TOX3: variants seen among roughly 807,000 people sequenced by gnomAD.
The protein encoded by TOX3 is CAG trinucleotide repeat-containing gene F9 protein.
A neutral mutation model predicts 64.3 loss-of-function variants in TOX3; 22 were observed. The observed-to-expected ratio is 0.34, with a 90% CI of 0.24 to 0.49. The LOEUF (loss-of-function observed/expected upper bound fraction) is 0.49, where lower values mean the gene tolerates loss of function less well. TOX3 is among the 20% of genes least tolerant of loss of function. TOX3 has a pLI of 0.99. For synonymous variants in TOX3, 291 were observed against 273.6 expected, an observed-to-expected ratio of 1.06 and a Z score of -0.63; for missense variants, 661 against 714.4, an observed-to-expected ratio of 0.93 and a Z score of 0.85.
rs140928170 is a variant in TOX3, at chr16:52,519,943, C to T, written c.87+26694G>A. Among the ~76,000 whole-genome samples the T allele has an allele frequency of 4.2e-3, 632 of 149,930 alleles. 4 individuals carry two copies. Among genetic ancestry groups the T allele is most frequent in the Middle Eastern group, 6.8e-3 (2 of 294 alleles). The stretch of plus-strand genomic sequence containing the variant: ...CACTGGTCACACCACTGCACTCCAG[C>T]CTGCGTGACAGAGCAAGACTCTGTC... On this transcript the variant is annotated intron_variant, in intron 1 of 6. Transcript: ENST00000219746.
At chr16:52,489,951 T>A (rs947000052) in intron 1 of TOX3, among the ~76,000 whole-genome samples, 3 of 152,158 alleles carry the variant, frequency 2.0e-5, no homozygotes, top group Non-Finnish European at 4.4e-5. Flanking sequence ...AGATGCCAAT[T>A]TCCTCCCTTC....
At chr16:52,519,948 G>A (rs1291645292) in intron 1 of TOX3, among the ~76,000 whole-genome samples, 9 of 148,196 alleles carry the variant, frequency 6.1e-5, no homozygotes, top group Admixed American at 2.7e-4. Flanking sequence ...TCCAGCCTGC[G>A]TGACAGAGCA....
chr16:52,495,420 T>A (rs1337836498), intron 1 of TOX3, among the ~76,000 whole-genome samples: 2 of 152,188 alleles, frequency 1.3e-5, no homozygotes, highest in Non-Finnish European at 1.5e-5. Flanking sequence ...TGGACCAACT[T>A]TTTCAAATCT....
intron 1 of TOX3, among the ~76,000 whole-genome samples, chr16:52,537,805 G>A (rs1257903307): frequency 6.7e-6 from 1 of 149,978 alleles, no homozygotes; most frequent in Non-Finnish European, 1.5e-5. Context: ...TGAAGAGGCT[G>A]AGCTGTGAGA....
chr16:52,454,128 C>A (rs1458058977), intron 3 of TOX3, among the ~76,000 whole-genome samples: 1 of 151,874 alleles, frequency 6.6e-6, no homozygotes, highest in Admixed American at 6.6e-5. Context: ...CATGTCCCGG[C>A]AGAGATAGAT....
chr16:52,489,160 ATT>A (rs1961607610), intron 1 of TOX3, among the ~76,000 whole-genome samples: 1 of 151,854 alleles, frequency 6.6e-6, no homozygotes, highest in Non-Finnish European at 1.5e-5. Context: ...GGCTCTGTCA[ATT>A]TACCTCTCAT....
At chr16:52,441,522 T>A (rs897450804) in intron 6 of TOX3, among the ~76,000 whole-genome samples, 1 of 152,192 alleles carries the variant, frequency 6.6e-6, no homozygotes, top group Admixed American at 6.5e-5. Flanking sequence ...AAAAAGAAAT[T>A]CTTCCACTAA....
chr16:52,525,849 A>G (rs541057703), intron 1 of TOX3, among the ~76,000 whole-genome samples: 1 of 152,336 alleles, frequency 6.6e-6, no homozygotes, highest in African/African-American at 2.4e-5. Flanking sequence ...TATGCAATAC[A>G]TCGCATTGAA....
chr16:52,476,716 T>C (rs1391382828), intron 1 of TOX3, among the ~76,000 whole-genome samples: 1 of 152,192 alleles, frequency 6.6e-6, no homozygotes, highest in Non-Finnish European at 1.5e-5. Flanking sequence ...CCTGAAAGCC[T>C]TACCAACACT....
At chr16:52,539,137 A>C (rs1963022970) in intron 1 of TOX3, among the ~76,000 whole-genome samples, 1 of 152,236 alleles carries the variant, frequency 6.6e-6, no homozygotes, top group Admixed American at 6.5e-5. Flanking sequence ...TCTTCCAAAA[A>C]AATAAATGTT....
intron 1 of TOX3, among the ~76,000 whole-genome samples, chr16:52,485,897 A>G (rs189366720): frequency 1.2e-4 from 19 of 152,136 alleles, no homozygotes; most frequent in Non-Finnish European, 2.2e-4. Context: ...AGAGCCATCA[A>G]GGAAGCTTCT....
At chr16:52,522,451 A>G (rs1233610482) in intron 1 of TOX3, among the ~76,000 whole-genome samples, 1 of 152,228 alleles carries the variant, frequency 6.6e-6, no homozygotes, top group African/African-American at 2.4e-5. Context: ...ACTGGCAGGC[A>G]GAGTGGAGGA....
intron 3 of TOX3, among the ~76,000 whole-genome samples, chr16:52,463,243 A>T (rs11864438): frequency 0.032 from 4,810 of 152,284 alleles, 258 homozygotes; most frequent in African/African-American, 0.11. Flanking sequence ...TATGATGGAA[A>T]AAAAAGAAAA....
intron 1 of TOX3, among the ~76,000 whole-genome samples, chr16:52,476,551 A>G (rs531964747): frequency 7.2e-5 from 11 of 152,076 alleles, no homozygotes; most frequent in African/African-American, 2.7e-4. Flanking sequence ...TGGCCAAGCA[A>G]CCAATCATCA....
At chr16:52,534,908 C>T (rs1435487253) in intron 1 of TOX3, among the ~76,000 whole-genome samples, 2 of 152,004 alleles carry the variant, frequency 1.3e-5, no homozygotes, top group Non-Finnish European at 2.9e-5. Flanking sequence ...GCCTAAAATG[C>T]AGGTAATCAA....
rs947003649 is a variant in TOX3, at chr16:52,437,757, T to G, written c.*1468A>C. ...TAGCCCCCTCAAAAAAGCGATTACT[T>G]TTTTCTCTATACTTACCTTGTACTT... On this transcript the variant is annotated 3_prime_UTR_variant, in exon 7 of 7. Transcript: ENST00000219746. 2.7e-5 allele frequency among the ~76,000 whole-genome samples: 4 copies of G among 148,326 alleles called. No homozygotes were observed. Among genetic ancestry groups the G allele is most frequent in the Non-Finnish European group, 5.9e-5 (4 of 67,588 alleles).
intron 1 of TOX3, among the ~76,000 whole-genome samples, chr16:52,489,049 A>G (rs1961604542): frequency 1.3e-5 from 2 of 151,906 alleles, no homozygotes; most frequent in South Asian, 4.2e-4. Context: ...TGCAACTATC[A>G]CCCCAAACCA....
intron 1 of TOX3, among the ~76,000 whole-genome samples, chr16:52,543,887 T>C (rs1417566001): frequency 6.6e-6 from 1 of 152,172 alleles, no homozygotes; most frequent in Non-Finnish European, 1.5e-5. Context: ...ATGCATATAA[T>C]TGATACAAAG....
chr16:52,468,608 C>A (rs7203698), intron 1 of TOX3, 34 bp from the exon 2 acceptor site: 1 of 1,521,680 alleles, frequency 6.6e-7, no homozygotes, highest in East Asian at 2.3e-5. Flanking sequence ...CGTTAATATG[C>A]GGCATAATAA....
Sources: gnomAD v4.1 joint callset for allele counts (sites outside exome capture counted in the v4.1 genomes callset) on GRCh38, gnomAD v4.1.1 for gene constraint, MANE v1.5 for transcripts, NCBI Gene and HGNC (gene_info 2026-07-23, HGNC 2026-07-21) for gene names.